The following ARHGAP25 variants were observed in gnomAD, a reference collection of about 807,000 sequenced individuals.
The protein encoded by ARHGAP25 is rho GTPase-activating protein 25.
ARHGAP25 carries 34 observed loss-of-function variants against 71.0 expected under a neutral mutation model. The observed-to-expected ratio is 0.48, with a 90% CI of 0.36 to 0.64. The LOEUF is 0.64. Ranked by LOEUF, ARHGAP25 falls within the 30% of genes least tolerant of loss-of-function variation. ARHGAP25 has a pLI of 0.00. For missense variants in ARHGAP25, 706 were observed against 805.1 expected (o/e 0.88, Z 1.49); for synonymous variants, 282 against 296.5 (o/e 0.95, Z 0.50).
Position 68,734,836 on chromosome 2 carries a change from G to A in ARHGAP25, c.-364G>A. Reference sequence around the variant, plus strand: ...AGTTGTTTATCACGACCTCAACTCAGTAAGGCCTGAGATTCTTTCGAAAAG... The same window carrying A: ...AGTTGTTTATCACGACCTCAACTCAATAAGGCCTGAGATTCTTTCGAAAAG... On this transcript the variant is annotated 5_prime_UTR_variant, in exon 1 of 11. Transcript: ENST00000409202. 2 of 290,456 alleles carry A rather than the reference G, an allele frequency of 6.9e-6. No homozygotes were observed. Among genetic ancestry groups the A allele is most frequent in the South Asian group, 1.1e-4 (2 of 18,076 alleles). The allele number at this position is 290,456 out of a possible 1,614,324, so 18.0% of individuals were successfully genotyped here.
intron 1 of ARHGAP25, among the ~76,000 whole-genome samples, chr2:68,756,598 A>G (rs1350728672): frequency 2.0e-5 from 3 of 152,226 alleles, no homozygotes; most frequent in Non-Finnish European, 1.5e-5. Context: ...GAAAAGACCT[A>G]AGAAGACTCT....
At chr2:68,727,264 ATG>A (rs1257505071) in intron 2 of ARHGAP25, among the ~76,000 whole-genome samples, 2 of 152,166 alleles carry the variant, frequency 1.3e-5, no homozygotes, top group African/African-American at 2.4e-5. Context: ...CCACAAAGAA[ATG>A]TGTTTCCTCC....
At position 68,814,483 on chromosome 2, in the gene ARHGAP25, A is replaced by G. The variant is rs144851859; in HGVS notation, c.807+1064A>G. On this transcript the variant is annotated intron_variant, in intron 6 of 10. Transcript: ENST00000409202. ...GCTATATTAGACACCACAAACTTAG[A>G]TAATTTTCATAGTAATATCAGCCAT... Among the ~76,000 whole-genome samples the G allele has an allele frequency of 1.6e-3, 240 of 152,318 alleles. 2 individuals are homozygous for G. The highest frequency in any genetic ancestry group is 5.3e-3 in the African/African-American group (220 of 41,568).
chr2:68,718,474 C>T (rs935133387), intron 2 of ARHGAP25, among the ~76,000 whole-genome samples: 1 of 152,110 alleles, frequency 6.6e-6, no homozygotes, highest in Non-Finnish European at 1.5e-5. Context: ...ATATCCTTGA[C>T]TTAATCGCAT....
In ARHGAP25 at chr2:68,822,648, C is replaced by T. The variant is rs781421747; in HGVS notation, c.1509C>T (p.Tyr503=). 33 of 1,614,004 alleles carry T rather than the reference C, an allele frequency of 2.0e-5. No individual in the cohort carries two copies. Among genetic ancestry groups the T allele is most frequent in the Admixed American group, 3.3e-5 (2 of 60,000 alleles). ...CTGACTCCCAACGGACTTCCACCTACGATAACGTCCCTTCCCTGCCAGGGT... is the reference window on the plus strand; with the variant it reads ...CTGACTCCCAACGGACTTCCACCTATGATAACGTCCCTTCCCTGCCAGGGT... ...QLSDSQRTST[Y]DNVPSLPGSP... is the part of the protein sequence containing the mutation. Residue 503 remains tyrosine, a synonymous_variant, in exon 10 of 11, where the codon TAC becomes TAT. Coordinates refer to ENST00000409202, the MANE Select transcript of ARHGAP25 (RefSeq NM_001007231.3).
intron 1 of ARHGAP25, among the ~76,000 whole-genome samples, chr2:68,773,042 G>C (rs1042212005): frequency 6.6e-6 from 1 of 152,188 alleles, no homozygotes; most frequent in Non-Finnish European, 1.5e-5. Flanking sequence ...CCTGGTGGGA[G>C]GTAAGAAGTG....
At chr2:68,751,427 C>T (rs140526666) in intron 1 of ARHGAP25, among the ~76,000 whole-genome samples, 12 of 152,308 alleles carry the variant, frequency 7.9e-5, no homozygotes, top group East Asian at 1.9e-4. Flanking sequence ...TAAAGAGCCA[C>T]GGGCATTTGG....
chr2:68,822,456 A>G lies in ARHGAP25; in HGVS notation c.1317A>G (p.Lys439=), dbSNP rs1283313628. The change falls in exon 10 of 11, where the codon AAA becomes AAG. Residue 439 remains lysine, a synonymous_variant. Coordinates refer to ENST00000409202, the MANE Select transcript of ARHGAP25 (RefSeq NM_001007231.3). ...KPGDWKMQSR[K]RTQTLPNRKC... ...GAGACTGGAAAATGCAATCTCGTAA[A>G]AGGACTCAAACACTCCCTAACCGGA... 1.2e-6 allele frequency: 2 copies of G among 1,614,202 alleles called. No individual in the cohort carries two copies. Among genetic ancestry groups the G allele is most frequent in the Non-Finnish European group, 1.7e-6 (2 of 1,180,028 alleles).
intron 1 of ARHGAP25, among the ~76,000 whole-genome samples, chr2:68,772,590 G>A (rs1402566292): frequency 6.6e-6 from 1 of 152,136 alleles, no homozygotes; most frequent in African/African-American, 2.4e-5. Context: ...CCTACTCTCT[G>A]CCCTCTTTCT....
chr2:68,721,553 T>C (rs1674762807), intron 2 of ARHGAP25, among the ~76,000 whole-genome samples: 1 of 152,212 alleles, frequency 6.6e-6, no homozygotes, highest in Non-Finnish European at 1.5e-5. Context: ...AAGTTACAGG[T>C]TCCCACCAGC....
At chr2:68,740,820 G>T (rs1403691951) in intron 1 of ARHGAP25, among the ~76,000 whole-genome samples, 1 of 152,184 alleles carries the variant, frequency 6.6e-6, no homozygotes, top group Admixed American at 6.5e-5. Flanking sequence ...CAGCACTCTA[G>T]GCCCTCACTG....
chr2:68,742,250 G>A (rs76844491), intron 1 of ARHGAP25, among the ~76,000 whole-genome samples: 2 of 152,220 alleles, frequency 1.3e-5, no homozygotes, highest in Non-Finnish European at 2.9e-5. Context: ...GAGTTTCAAA[G>A]TGAAAGAGGA....
intron 2 of ARHGAP25, among the ~76,000 whole-genome samples, chr2:68,720,316 C>CAAAAAAAAA (rs11314943): frequency 1.1e-4 from 8 of 75,648 alleles, no homozygotes; most frequent in Non-Finnish European, 1.6e-4. Flanking sequence ...ACATTTCAGT[C>CAAAAAAAAA]AAAAAAAAAA....
intron 4 of ARHGAP25, among the ~76,000 whole-genome samples, chr2:68,799,567 G>T (rs1274356474): frequency 6.6e-6 from 1 of 152,198 alleles, no homozygotes; most frequent in Non-Finnish European, 1.5e-5. Flanking sequence ...GCTGGTAAGG[G>T]TTCCCGCGTG....
At chr2:68,748,436 A>AT (rs1379028654) in intron 1 of ARHGAP25, among the ~76,000 whole-genome samples, 1 of 152,212 alleles carries the variant, frequency 6.6e-6, no homozygotes, top group Non-Finnish European at 1.5e-5. Context: ...AAACGATCTC[A>AT]TTCCTTTGCA....
At chr2:68,715,413 C>A (rs1674585492) in intron 2 of ARHGAP25, among the ~76,000 whole-genome samples, 1 of 152,182 alleles carries the variant, frequency 6.6e-6, no homozygotes, top group African/African-American at 2.4e-5. Flanking sequence ...CCAACAACAA[C>A]AAAGAGACAA....
intron 2 of ARHGAP25, among the ~76,000 whole-genome samples, chr2:68,717,954 ATATAAT>A (rs1674658007): frequency 6.6e-6 from 1 of 152,164 alleles, no homozygotes. Flanking sequence ...CCACTTTATC[ATATAAT>A]TAGAATAGTA....
intron 4 of ARHGAP25, among the ~76,000 whole-genome samples, chr2:68,793,548 A>T (rs909975908): frequency 6.6e-6 from 1 of 152,138 alleles, no homozygotes; most frequent in Non-Finnish European, 1.5e-5. Flanking sequence ...TCTCCAGGGT[A>T]TGTTCTTATA....
chr2:68,765,788 C>T (rs756147286), intron 1 of ARHGAP25, among the ~76,000 whole-genome samples: 7 of 152,172 alleles, frequency 4.6e-5, no homozygotes, highest in Non-Finnish European at 1.0e-4. Context: ...TATTATGACT[C>T]GTTTCCTGGG....
Sources: gnomAD v4.1 joint callset for allele counts (sites outside exome capture counted in the v4.1 genomes callset) on GRCh38, gnomAD v4.1.1 for gene constraint, MANE v1.5 for transcripts, NCBI Gene and HGNC (gene_info 2026-07-23, HGNC 2026-07-21) for gene names.